CNTN5: variants seen among roughly 807,000 people sequenced by gnomAD.
The protein encoded by CNTN5 is contactin 5, also known as contactin-5.
A neutral mutation model predicts 129.1 loss-of-function variants in CNTN5; 77 were observed. The observed-to-expected ratio is 0.60, with a 90% confidence interval of 0.50 to 0.72. The LOEUF (loss-of-function observed/expected upper bound fraction) is 0.72. Ranked by LOEUF, CNTN5 falls within the 30% of genes least tolerant of loss-of-function variation. The pLI, the probability that CNTN5 is intolerant of heterozygous loss-of-function variation, is 0.00. For synonymous variants in CNTN5, 509 were observed against 465.6 expected (o/e 1.09, Z -1.20); for missense variants, 1,478 against 1,328.8 (o/e 1.11, Z -1.75).
At chr11:99,350,515 A>G (rs1270660372) in intron 2 of CNTN5, among the ~76,000 whole-genome samples, 3 of 152,198 alleles carry the variant, frequency 2.0e-5, no homozygotes, top group Non-Finnish European at 2.9e-5. Flanking sequence ...GAGAATAACC[A>G]AAGAAAGTTT....
chr11:100,086,392 GA>G (rs1349128825), intron 13 of CNTN5, among the ~76,000 whole-genome samples: 5 of 150,100 alleles, frequency 3.3e-5, no homozygotes, highest in African/African-American at 1.2e-4. Flanking sequence ...TAAAAAAAAA[GA>G]AAAATTTTTA....
intron 1 of CNTN5, among the ~76,000 whole-genome samples, chr11:99,085,323 G>A (rs1005032364): frequency 3.3e-5 from 5 of 152,162 alleles, no homozygotes; most frequent in Non-Finnish European, 7.3e-5. Context: ...GGGATTACAG[G>A]TGTGAGCCAC....
At chr11:100,054,400 CCAA>C (rs1178406097) in intron 9 of CNTN5, among the ~76,000 whole-genome samples, 1 of 151,704 alleles carries the variant, frequency 6.6e-6, no homozygotes, top group African/African-American at 2.4e-5. Flanking sequence ...ATTTATTCTC[CCAA>C]CAACCTAACC....
intron 2 of CNTN5, among the ~76,000 whole-genome samples, chr11:99,489,181 T>C (rs993642186): frequency 2.0e-5 from 3 of 152,196 alleles, no homozygotes; most frequent in Admixed American, 6.5e-5. Context: ...TTTCAGGCCA[T>C]ACAAGTGCCA....
At chr11:99,733,549 G>T (rs955312790) in intron 3 of CNTN5, among the ~76,000 whole-genome samples, 4 of 152,006 alleles carry the variant, frequency 2.6e-5, no homozygotes, top group Non-Finnish European at 4.4e-5. Flanking sequence ...ACCAAGTGTT[G>T]TTTGTCTCCA....
At chr11:99,241,327 T>TTG (rs1449358653) in intron 1 of CNTN5, among the ~76,000 whole-genome samples, 1 of 149,162 alleles carries the variant, frequency 6.7e-6, no homozygotes, top group African/African-American at 2.5e-5. Flanking sequence ...GGTTTTTTTT[T>TTG]TTTTTTTTTT....
intron 9 of CNTN5, among the ~76,000 whole-genome samples, chr11:100,006,122 A>T (rs912347274): frequency 6.6e-6 from 1 of 152,188 alleles, no homozygotes; most frequent in African/African-American, 2.4e-5. Context: ...TAGCATTTAC[A>T]TGCCTGGCTT....
intron 2 of CNTN5, among the ~76,000 whole-genome samples, chr11:99,502,571 C>T (rs187074060): frequency 3.0e-3 from 460 of 152,246 alleles, no homozygotes; most frequent in Non-Finnish European, 4.8e-3. Flanking sequence ...TCACCTTTTT[C>T]CATGATTATA....
At chr11:99,168,302 G>A (rs1280428336) in intron 1 of CNTN5, among the ~76,000 whole-genome samples, 4 of 151,826 alleles carry the variant, frequency 2.6e-5, no homozygotes, top group South Asian at 4.2e-4. Context: ...GATGGCTCAC[G>A]CCTGTAATGC....
intron 9 of CNTN5, among the ~76,000 whole-genome samples, chr11:100,048,912 CAAAAAT>C (rs1942822551): frequency 6.9e-6 from 1 of 144,644 alleles, no homozygotes; most frequent in African/African-American, 2.4e-5. Flanking sequence ...TGATGAAAAA[CAAAAAT>C]AAAAGGAGAA....
At chr11:99,556,634 GC>G (rs1255192191) in intron 3 of CNTN5, among the ~76,000 whole-genome samples, 1 of 122,280 alleles carries the variant, frequency 8.2e-6, no homozygotes, top group African/African-American at 3.0e-5. Context: ...ATATATTTAT[GC>G]ATATAATGTA....
chr11:99,739,687 G>A (rs539614892), intron 3 of CNTN5, among the ~76,000 whole-genome samples: 2 of 152,212 alleles, frequency 1.3e-5, no homozygotes, highest in South Asian at 4.1e-4. Context: ...GAAGAATGGG[G>A]TCTGAAATTC....
intron 2 of CNTN5, among the ~76,000 whole-genome samples, chr11:99,450,768 G>GTTTTTTTTTTTTTTTTTTTTT (rs34146715): frequency 2.9e-5 from 3 of 105,004 alleles, no homozygotes; most frequent in Non-Finnish European, 3.8e-5. Flanking sequence ...ATTGAAGCAA[G>GTTTTTTTTTTTTTTTTTTTTT]TTTTTTTTTT....
At chr11:100,345,593 G>C (rs1315663564) in intron 23 of CNTN5, among the ~76,000 whole-genome samples, 1 of 151,198 alleles carries the variant, frequency 6.6e-6, no homozygotes, top group African/African-American at 2.4e-5. Context: ...AAAAAAAGAG[G>C]TTTCCCTATC....
intron 3 of CNTN5, among the ~76,000 whole-genome samples, chr11:99,771,848 G>T (rs1021793822): frequency 9.2e-5 from 14 of 151,934 alleles, no homozygotes; most frequent in African/African-American, 3.4e-4. Context: ...ACATTGAGTA[G>T]CTTCCTTTAT....
At chr11:99,032,757 A>G (rs935739425) in intron 1 of CNTN5, among the ~76,000 whole-genome samples, 9 of 148,900 alleles carry the variant, frequency 6.0e-5, no homozygotes, top group African/African-American at 2.3e-4. Context: ...GCTGTGCAGA[A>G]GCTCTTTAGT....
Position 99,926,292 on chromosome 11 carries a change from G to A in CNTN5, c.673+10143G>A, listed in dbSNP as rs528849057. Among the ~76,000 whole-genome samples the A allele has an allele frequency of 3.9e-5, 6 of 152,236 alleles. No homozygotes were observed. The South Asian group carries it at 1.2e-3, about 32-fold the overall frequency. ...TAGAAGATGAATGGCACTTGGAAATGGGAATCTCAGAGTTTAAGAAGGGGA... is the reference window on the plus strand; with the variant it reads ...TAGAAGATGAATGGCACTTGGAAATAGGAATCTCAGAGTTTAAGAAGGGGA... On this transcript the variant is annotated intron_variant, in intron 7 of 24. Coordinates refer to ENST00000524871, the MANE Select transcript of CNTN5 (RefSeq NM_014361.4).
At chr11:100,325,059 G>A (rs1951763752) in intron 21 of CNTN5, among the ~76,000 whole-genome samples, 1 of 152,094 alleles carries the variant, frequency 6.6e-6, no homozygotes, top group Admixed American at 6.5e-5. Context: ...AACTGGAGAT[G>A]AACTAAATTG....
rs1565340588 is a variant in CNTN5, at chr11:100,204,332, AT to A, written c.1884+10670del. Reference sequence around the variant, plus strand: ...TATATATATATATATATATATATATATATATATATATAATTATAGGCAGACA... The same window carrying A: ...TATATATATATATATATATATATATAATATATATATAATTATAGGCAGACA... On this transcript the variant is annotated intron_variant, in intron 15 of 24. Transcript: ENST00000524871. Among the ~76,000 whole-genome samples the A allele has an allele frequency of 3.6e-3, 408 of 112,970 alleles. 19 individuals are homozygous for A. The highest frequency in any genetic ancestry group is 0.013 in the African/African-American group (391 of 30,782). The allele number at this position is 112,970 out of a possible 152,430, so 74.1% of individuals were successfully genotyped here.
Sources: allele counts gnomAD v4.1 joint callset (sites outside exome capture counted in the v4.1 genomes callset), GRCh38; gene constraint gnomAD v4.1.1; transcripts MANE v1.5; gene names NCBI Gene and HGNC (gene_info 2026-07-23, HGNC 2026-07-21).